Variants in SEMA5A observed in about 807,000 individuals in gnomAD.
The protein encoded by SEMA5A is semaphorin 5A.
SEMA5A carries 55 observed loss-of-function variants against 135.5 expected under a neutral mutation model. That is an observed-to-expected ratio of 0.41 (90% confidence interval 0.33 to 0.51). The LOEUF (loss-of-function observed/expected upper bound fraction) is 0.51, where lower values mean the gene tolerates loss of function less well. Among genes scored for constraint, SEMA5A ranks in the 20% least tolerant of loss-of-function variants. The pLI is 0.37. For missense variants in SEMA5A, 1,290 were observed against 1,419.9 expected, an observed-to-expected ratio of 0.91 and a Z score of 1.47; for synonymous variants, 580 against 546.5, an observed-to-expected ratio of 1.06 and a Z score of -0.85.
chr5:9,119,598 T>C (rs1740702302), intron 14 of SEMA5A, among the ~76,000 whole-genome samples: 3 of 152,194 alleles, frequency 2.0e-5, no homozygotes, highest in Non-Finnish European at 4.4e-5. Flanking sequence ...CCGAAAATGC[T>C]ATCTTTTAAA....
In SEMA5A at chr5:9,197,152, G is replaced by T; in HGVS notation, c.1068+16C>A. On this transcript the variant is annotated intron_variant, in intron 10 of 22. Transcript: ENST00000382496. ...TGGGGGATGCCAACAGTGCCCCTTT[G>T]CCCCCCGAAAATTACCTGGAAGTGG... 6.2e-7 allele frequency: 1 copy of T among 1,614,018 alleles called. No individual in the cohort carries two copies. Among genetic ancestry groups the T allele is most frequent in the South Asian group, 1.1e-5 (1 of 91,028 alleles).
chr5:9,276,573 G>T (rs1750273321), intron 5 of SEMA5A, among the ~76,000 whole-genome samples: 1 of 152,020 alleles, frequency 6.6e-6, no homozygotes, highest in South Asian at 2.1e-4. Context: ...ATAATACAAG[G>T]CTACAGTAAA....
intron 1 of SEMA5A, among the ~76,000 whole-genome samples, chr5:9,476,522 G>A (rs1031400860): frequency 3.3e-5 from 5 of 152,068 alleles, no homozygotes; most frequent in African/African-American, 4.8e-5. Context: ...GTACCAGGAG[G>A]GTTATGGCAA....
chr5:9,353,189 G>GGAAAGGAAAGGAAA (rs1754250406), intron 3 of SEMA5A, among the ~76,000 whole-genome samples: 185 of 16,730 alleles, frequency 0.011, 21 homozygotes, highest in African/African-American at 0.029. Context: ...AGGAAGGGAA[G>GGAAAGGAAAGGAAA]GGAAAGGAAA....
At chr5:9,535,058 C>T (rs6885530) in intron 1 of SEMA5A, among the ~76,000 whole-genome samples, 2,845 of 152,242 alleles carry the variant, frequency 0.019, 33 homozygotes, top group South Asian at 0.038. Context: ...AGGTGTGAGC[C>T]CCGGGAAAGC....
At chr5:9,120,845 C>G (rs1740777431) in intron 14 of SEMA5A, among the ~76,000 whole-genome samples, 1 of 150,472 alleles carries the variant, frequency 6.6e-6, no homozygotes, top group African/African-American at 2.5e-5. Flanking sequence ...GTGGCTCTAA[C>G]TCGGCTCACT....
intron 2 of SEMA5A, among the ~76,000 whole-genome samples, chr5:9,405,574 T>C (rs1017662009): frequency 1.3e-5 from 2 of 152,098 alleles, no homozygotes; most frequent in Non-Finnish European, 2.9e-5. Context: ...CTTGGCAAAG[T>C]AACTTCAGCC....
intron 6 of SEMA5A, among the ~76,000 whole-genome samples, chr5:9,231,003 G>A (rs1579670130): frequency 6.6e-6 from 1 of 152,144 alleles, no homozygotes; most frequent in Admixed American, 6.5e-5. Context: ...AATTCCAGAT[G>A]TGAATTCCAA....
At chr5:9,199,472 C>T (rs1745588831) in intron 9 of SEMA5A, among the ~76,000 whole-genome samples, 1 of 152,224 alleles carries the variant, frequency 6.6e-6, no homozygotes, top group African/African-American at 2.4e-5. Flanking sequence ...TATTCACTCG[C>T]TTCTTCAGGG....
chr5:9,522,597 A>C (rs1264327351), intron 1 of SEMA5A, among the ~76,000 whole-genome samples: 1 of 152,074 alleles, frequency 6.6e-6, no homozygotes, highest in African/African-American at 2.4e-5. Context: ...AAATAAATAA[A>C]AAGGAGGGGT....
chr5:9,117,641 A>G (rs35313014), intron 15 of SEMA5A, among the ~76,000 whole-genome samples: 17,482 of 152,190 alleles, frequency 0.11, 1,535 homozygotes, highest in East Asian at 0.3. Flanking sequence ...GGAAATTTCC[A>G]CTTGTGGCAT....
chr5:9,503,860 T>C (rs1464700752), intron 1 of SEMA5A, among the ~76,000 whole-genome samples: 1 of 152,198 alleles, frequency 6.6e-6, no homozygotes, highest in Non-Finnish European at 1.5e-5. Context: ...GAGTAATGCC[T>C]GGAACAGACA....
At chr5:9,457,509 C>A (rs546914591) in intron 1 of SEMA5A, among the ~76,000 whole-genome samples, 1 of 152,128 alleles carries the variant, frequency 6.6e-6, no homozygotes, top group African/African-American at 2.4e-5. Context: ...TCATAACAAA[C>A]AAATATTTCT....
At chr5:9,165,283 A>T (rs1219376896) in intron 11 of SEMA5A, among the ~76,000 whole-genome samples, 1 of 152,222 alleles carries the variant, frequency 6.6e-6, no homozygotes, top group Non-Finnish European at 1.5e-5. Context: ...CTTATTTTGT[A>T]TGAAAAGAAA....
intron 2 of SEMA5A, among the ~76,000 whole-genome samples, chr5:9,428,447 A>G (rs943719014): frequency 2.0e-5 from 3 of 152,224 alleles, no homozygotes; most frequent in Non-Finnish European, 4.4e-5. Flanking sequence ...GATGCCAGGA[A>G]GGAAGTGATA....
At chr5:9,343,161 A>T (rs1306185240) in intron 3 of SEMA5A, among the ~76,000 whole-genome samples, 1 of 145,344 alleles carries the variant, frequency 6.9e-6, no homozygotes, top group Non-Finnish European at 1.5e-5. Context: ...GTTTTTGCCC[A>T]TGTTAATAAG....
At chr5:9,187,470 G>A (rs926584194) in intron 11 of SEMA5A, among the ~76,000 whole-genome samples, 2 of 152,128 alleles carry the variant, frequency 1.3e-5, no homozygotes, top group Non-Finnish European at 2.9e-5. Context: ...CATATGGTTT[G>A]GAGCAGGGTT....
At chr5:9,459,787 G>T (rs1423680690) in intron 1 of SEMA5A, among the ~76,000 whole-genome samples, 1 of 152,184 alleles carries the variant, frequency 6.6e-6, no homozygotes, top group African/African-American at 2.4e-5. Context: ...TACAGAGAAA[G>T]ATAAATAATT....
intron 1 of SEMA5A, among the ~76,000 whole-genome samples, chr5:9,441,000 C>T (rs1365537037): frequency 6.6e-6 from 1 of 152,204 alleles, no homozygotes; most frequent in African/African-American, 2.4e-5. Context: ...GTTCAAGAAA[C>T]CTAAGAACTG....
Sources: gnomAD v4.1 joint callset for allele counts (sites outside exome capture counted in the v4.1 genomes callset) on GRCh38, gnomAD v4.1.1 for gene constraint, MANE v1.5 for transcripts, NCBI Gene and HGNC (gene_info 2026-07-23, HGNC 2026-07-21) for gene names.